Variants in ANKIB1 observed in about 807,000 individuals in gnomAD.
ANKIB1 encodes the protein ankyrin repeat and IBR domain-containing protein 1.
In ANKIB1, 43 loss-of-function variants were observed where a neutral mutation model predicts 122.1. The observed-to-expected ratio is 0.35, with a 90% CI of 0.28 to 0.45. The LOEUF (loss-of-function observed/expected upper bound fraction) is 0.45. Among genes scored for constraint, ANKIB1 ranks in the 20% least tolerant of loss-of-function variants. The probability of loss-of-function intolerance (pLI) is 1.00; values close to 1 mark genes in which losing one functional copy is unlikely to be tolerated. For synonymous variants in ANKIB1, 390 were observed against 442.0 expected (o/e 0.88, Z 1.48); for missense variants, 992 against 1,329.5 (o/e 0.75, Z 3.95).
In ANKIB1 at chr7:92,392,310, T is replaced by G. The variant is rs1192795730; in HGVS notation, c.2283+18T>G. 6.2e-7 allele frequency: 1 copy of G among 1,606,202 alleles called. No individual in the cohort carries two copies. The highest frequency in any genetic ancestry group is 1.3e-5 in the African/African-American group (1 of 74,698). On this transcript the variant is annotated intron_variant, in intron 17 of 19. Transcript: ENST00000265742. ...CACCAGAGGTAATTGTTTTATGGGG[T>G]TTTTGTTTTTGTATTTTTTCTTAGT...
intron 5 of ANKIB1, among the ~76,000 whole-genome samples, chr7:92,330,623 A>C (rs1357979407): frequency 1.3e-5 from 2 of 152,102 alleles, no homozygotes; most frequent in South Asian, 4.1e-4. Context: ...TGGGCGGATC[A>C]TGAGGTCAGG....
intron 5 of ANKIB1, among the ~76,000 whole-genome samples, chr7:92,340,226 C>T (rs1337793901): frequency 6.6e-6 from 1 of 152,140 alleles, no homozygotes; most frequent in Non-Finnish European, 1.5e-5. Context: ...CTAAGTAAGA[C>T]TACCTGTTCA....
chr7:92,393,672 C>G (rs934269665), intron 17 of ANKIB1, among the ~76,000 whole-genome samples: 8 of 152,018 alleles, frequency 5.3e-5, no homozygotes, highest in Non-Finnish European at 1.2e-4. Flanking sequence ...ATATTGAGGG[C>G]CTACTAATAT....
At chr7:92,396,329 T>A (rs767500547) in intron 17 of ANKIB1, 36 bp from the exon 18 acceptor site, 1 of 1,140,680 alleles carries the variant, frequency 8.8e-7, no homozygotes, top group South Asian at 1.4e-5. Flanking sequence ...AAAAATTGCA[T>A]GCTCTCTTGT....
intron 3 of ANKIB1, among the ~76,000 whole-genome samples, chr7:92,313,388 A>G (rs909202283): frequency 1.3e-5 from 2 of 152,194 alleles, no homozygotes; most frequent in Admixed American, 6.5e-5. Flanking sequence ...TTGTGTTTTT[A>G]GCACCTAGAG....
intron 5 of ANKIB1, among the ~76,000 whole-genome samples, chr7:92,339,040 C>CTTTT (rs1209380092): frequency 3.1e-5 from 2 of 64,858 alleles, no homozygotes; most frequent in Non-Finnish European, 2.9e-5. Flanking sequence ...CTTGAATTTT[C>CTTTT]TTTTTTTTTT....
Position 92,319,488 on chromosome 7 carries a change from A to G in ANKIB1, c.645A>G (p.Glu215=). Reference sequence around the variant, plus strand: ...CCGAGGCTGAAGAAATAGAAGCTGAATATGCTGCATTAGACAAACGAGAGG... The same window carrying G: ...CCGAGGCTGAAGAAATAGAAGCTGAGTATGCTGCATTAGACAAACGAGAGG... The part of the protein sequence containing the change: ...RDPEAEEIEA[E]YAALDKREPY... The change falls in exon 4 of 20, where the codon GAA becomes GAG. Residue 215 remains glutamate, a synonymous_variant. Coordinates refer to ENST00000265742, the MANE Select transcript of ANKIB1 (RefSeq NM_019004.2). 6.2e-7 allele frequency: 1 copy of G among 1,611,078 alleles called. No homozygotes were observed. Among genetic ancestry groups the G allele is most frequent in the Non-Finnish European group, 8.5e-7 (1 of 1,179,184 alleles).
At chr7:92,381,525 A>G (rs1172206828) in intron 11 of ANKIB1, among the ~76,000 whole-genome samples, 1 of 152,238 alleles carries the variant, frequency 6.6e-6, no homozygotes, top group Non-Finnish European at 1.5e-5. Context: ...AAAGCCCATC[A>G]GACTAACAGC....
rs529555847 is a variant in ANKIB1 at position 92,358,708 on chromosome 7, A to G, written c.1398-3477A>G. Among the ~76,000 whole-genome samples the G allele has an allele frequency of 1.2e-3, 177 of 152,104 alleles. 1 individual carries two copies. The highest frequency in any genetic ancestry group is 4.0e-3 in the African/African-American group (167 of 41,504). On this transcript the variant is annotated intron_variant, in intron 9 of 19. Coordinates refer to ENST00000265742, the MANE Select transcript of ANKIB1 (RefSeq NM_019004.2). Reference sequence around the variant, plus strand: ...GAATATGCTGTTTAATCTCCAGGGGAAAAAAGTCTCCAGGGAAAAAAATCT... The same window carrying G: ...GAATATGCTGTTTAATCTCCAGGGGGAAAAAGTCTCCAGGGAAAAAAATCT...
rs1562802501 is a variant in ANKIB1, at chr7:92,396,479, A to G, written c.2395+3A>G. On this transcript the variant is annotated splice_donor_region_variant and intron_variant, in intron 18 of 19. Coordinates refer to ENST00000265742, the MANE Select transcript of ANKIB1 (RefSeq NM_019004.2). Reference sequence around the variant, plus strand: ...TGAGCCAAGTGAAAGCACTTTAGGTAAGTCCTTGCATTGAGTATGGTTTAA... The same window carrying G: ...TGAGCCAAGTGAAAGCACTTTAGGTGAGTCCTTGCATTGAGTATGGTTTAA... 5 of 1,430,344 alleles carry G rather than the reference A, an allele frequency of 3.5e-6. No homozygotes were observed. In the African/African-American group the frequency reaches 7.0e-5, roughly 20 times the overall value. 88.6% of individuals were successfully genotyped at this position (1,430,344 alleles called of 1,614,324 possible).
In ANKIB1 at chr7:92,399,588, C is replaced by A. The variant is rs1243767350; in HGVS notation, c.*639C>A. On this transcript the variant is annotated 3_prime_UTR_variant, in exon 20 of 20. Transcript: ENST00000265742. ...CTTACTTGTGTGCTGACTAACAAGG[C>A]ATTTAGGTGTGCAGCATCCTAGAGT... The A allele has an allele frequency of 6.6e-6, 1 of 152,128 alleles. No homozygotes were observed. Among genetic ancestry groups the A allele is most frequent in the Non-Finnish European group, 1.5e-5 (1 of 68,020 alleles). The allele number at this position is 152,128 out of a possible 1,614,324, so 9.4% of individuals were successfully genotyped here.
intron 7 of ANKIB1, among the ~76,000 whole-genome samples, chr7:92,347,470 T>C (rs1419493353): frequency 6.6e-6 from 1 of 152,102 alleles, no homozygotes; most frequent in Non-Finnish European, 1.5e-5. Flanking sequence ...CCAGGCATAG[T>C]GGCACATGTC....
chr7:92,251,206 G>A (rs566230024), intron 1 of ANKIB1, among the ~76,000 whole-genome samples: 1 of 152,250 alleles, frequency 6.6e-6, no homozygotes, highest in Admixed American at 6.5e-5. Flanking sequence ...TAGGTGCTGG[G>A]TCTACAAAGA....
chr7:92,249,089 C>T (rs375008888), intron 1 of ANKIB1, among the ~76,000 whole-genome samples: 4 of 152,004 alleles, frequency 2.6e-5, no homozygotes, highest in East Asian at 3.9e-4. Flanking sequence ...GGTTTTGCCA[C>T]GTTGGCCAGG....
At chr7:92,360,260 CTACTT>C (rs1803912448) in intron 9 of ANKIB1, among the ~76,000 whole-genome samples, 1 of 152,180 alleles carries the variant, frequency 6.6e-6, no homozygotes, top group Non-Finnish European at 1.5e-5. Context: ...AACAACCACT[CTACTT>C]TCTTTCTCTA....
chr7:92,341,296 C>T (rs1267024595), intron 5 of ANKIB1, among the ~76,000 whole-genome samples: 3 of 145,624 alleles, frequency 2.1e-5, no homozygotes, highest in Non-Finnish European at 3.0e-5. Flanking sequence ...GGTGACAAAG[C>T]GAGACCCTGT....
chr7:92,268,637 G>A (rs1038493392), intron 1 of ANKIB1, among the ~76,000 whole-genome samples: 1 of 152,044 alleles, frequency 6.6e-6, no homozygotes, highest in South Asian at 2.1e-4. Context: ...CAGCACACCT[G>A]GCTAATTTTT....
Position 92,307,394 on chromosome 7 carries a change from G to A in ANKIB1, c.224G>A (p.Arg75Gln), listed in dbSNP as rs767368714. Reference protein sequence around the residue: ...FLGRDGNPNKRNVHNETSMHL... With the variant: ...FLGRDGNPNKQNVHNETSMHL... Reference sequence around the variant, plus strand: ...GGTAGAGATGGAAATCCAAATAAACGGAATGTGCACAATGAAACATCTATG... The same window carrying A: ...GGTAGAGATGGAAATCCAAATAAACAGAATGTGCACAATGAAACATCTATG... The change falls in exon 3 of 20, where the codon CGG becomes CAG. Residue 75 changes from arginine to glutamine, a missense_variant. Coordinates refer to ENST00000265742, the MANE Select transcript of ANKIB1 (RefSeq NM_019004.2). The A allele has an allele frequency of 5.0e-6, 8 of 1,612,554 alleles. No homozygotes were observed. The highest frequency in any genetic ancestry group is 2.2e-5 in the East Asian group (1 of 44,830).
chr7:92,372,634 G>A (rs759465525), intron 11 of ANKIB1, among the ~76,000 whole-genome samples: 18 of 151,466 alleles, frequency 1.2e-4, no homozygotes, highest in Non-Finnish European at 2.4e-4. Flanking sequence ...TAATATAAAT[G>A]ATTAATGTTA....
Sources: gnomAD v4.1 joint callset for allele counts (sites outside exome capture counted in the v4.1 genomes callset) on GRCh38, gnomAD v4.1.1 for gene constraint, MANE v1.5 for transcripts, NCBI Gene and HGNC (gene_info 2026-07-23, HGNC 2026-07-21) for gene names.